RBFOX1: variants seen among roughly 807,000 people sequenced by gnomAD.
The protein encoded by RBFOX1 is RNA binding protein fox-1 homolog 1.
A neutral mutation model predicts 57.7 loss-of-function variants in RBFOX1; 8 were observed. That is an observed-to-expected ratio of 0.14 (90% CI 0.08 to 0.25). The LOEUF is 0.25. Ranked by LOEUF, RBFOX1 falls within the 10% of genes least tolerant of loss-of-function variation. RBFOX1 has a pLI of 1.00. For missense variants in RBFOX1, 611 were observed against 548.5 expected (o/e 1.11, Z -1.14); for synonymous variants, 326 against 222.4 (o/e 1.47, Z -4.15).
At chr16:6,330,064 G>A (rs2082827145) in intron 2 of RBFOX1, among the ~76,000 whole-genome samples, 1 of 152,074 alleles carries the variant, frequency 6.6e-6, no homozygotes, top group Non-Finnish European at 1.5e-5. Context: ...TCTTCCCCAT[G>A]CAAAGAAAGA....
At chr16:6,625,612 TTGTCATGATTTTCAGAA>T (rs2098294510) in intron 2 of RBFOX1, among the ~76,000 whole-genome samples, 1 of 152,166 alleles carries the variant, frequency 6.6e-6, no homozygotes, top group Admixed American at 6.5e-5. Flanking sequence ...GAGGCCAACC[TTGTCATGATTTTCAGAA>T]CTATGTAGTT....
intron 3 of RBFOX1, among the ~76,000 whole-genome samples, chr16:6,769,883 A>C (rs2078009808): frequency 6.6e-6 from 1 of 152,158 alleles, no homozygotes; most frequent in South Asian, 2.1e-4. Flanking sequence ...AGCGATTTGA[A>C]ATCAAAGTTC....
chr16:5,657,888 C>T (rs1286130699), intron 3 of RBFOX1, among the ~76,000 whole-genome samples: 4 of 151,730 alleles, frequency 2.6e-5, no homozygotes, highest in African/African-American at 7.3e-5. Context: ...TCCACAACAA[C>T]GCCAGGCTAA....
intron 3 of RBFOX1, among the ~76,000 whole-genome samples, chr16:6,688,948 C>A (rs141285808): frequency 1.9e-3 from 293 of 151,160 alleles, no homozygotes; most frequent in African/African-American, 6.8e-3. Flanking sequence ...TCGTCCATGT[C>A]CCTGCGAAGG....
intron 4 of RBFOX1, among the ~76,000 whole-genome samples, chr16:7,113,030 T>C (rs1463712768): frequency 6.6e-6 from 1 of 152,190 alleles, no homozygotes; most frequent in East Asian, 1.9e-4. Context: ...CCCATCGAAC[T>C]GGAGTCAGAG....
chr16:6,208,740 G>A (rs915563556), intron 1 of RBFOX1, among the ~76,000 whole-genome samples: 1 of 152,180 alleles, frequency 6.6e-6, no homozygotes, highest in Non-Finnish European at 1.5e-5. Flanking sequence ...ATGCATTTCT[G>A]GTTCTTCTTG....
chr16:6,587,433 C>T lies in RBFOX1; in HGVS notation c.-63-67170C>T, dbSNP rs150535098. On this transcript the variant is annotated intron_variant, in intron 2 of 15. Coordinates refer to ENST00000550418, the MANE Select transcript of RBFOX1 (RefSeq NM_018723.4). ...AGTAGCTGGGATTACAGGTGCACAC[C>T]ACCATGCCTGGCTAATTTTTGTATT... is the stretch of plus-strand genomic sequence containing the variant. Among the ~76,000 whole-genome samples the T allele has an allele frequency of 1.1e-4, 16 of 152,230 alleles. No individual in the cohort carries two copies. The East Asian group carries it at 3.1e-3, about 29-fold the overall frequency.
chr16:6,034,145 G>A (rs1391036061), intron 1 of RBFOX1, among the ~76,000 whole-genome samples: 2 of 151,708 alleles, frequency 1.3e-5, no homozygotes, highest in African/African-American at 2.4e-5. Flanking sequence ...GACCTGCCTG[G>A]CCAACTTAGT....
At chr16:6,271,895 A>G (rs2075259512) in intron 1 of RBFOX1, among the ~76,000 whole-genome samples, 1 of 152,294 alleles carries the variant, frequency 6.6e-6, no homozygotes, top group Middle Eastern at 3.4e-3. Context: ...CACCAAGTCC[A>G]TATATCCTCT....
chr16:7,456,236 C>T (rs765769651), intron 4 of RBFOX1, among the ~76,000 whole-genome samples: 6 of 152,184 alleles, frequency 3.9e-5, no homozygotes, highest in Non-Finnish European at 5.9e-5. Context: ...CACGTTAGGA[C>T]CCTCCTCTCA....
intron 3 of RBFOX1, among the ~76,000 whole-genome samples, chr16:5,690,069 T>A (rs972009707): frequency 1.3e-5 from 2 of 152,146 alleles, no homozygotes; most frequent in African/African-American, 4.8e-5. Flanking sequence ...TGGACAGTGG[T>A]CAGGGAGAGA....
At chr16:5,564,405 C>G (rs553143012) in intron 2 of RBFOX1, among the ~76,000 whole-genome samples, 2 of 152,260 alleles carry the variant, frequency 1.3e-5, no homozygotes, top group South Asian at 4.1e-4. Flanking sequence ...TTTTTGTCTC[C>G]TCCCACTGAA....
At chr16:7,269,131 A>T (rs963521036) in intron 4 of RBFOX1, among the ~76,000 whole-genome samples, 49 of 151,954 alleles carry the variant, frequency 3.2e-4, no homozygotes, top group Admixed American at 9.8e-4. Context: ...TCCTCTGAAA[A>T]AATATGAAAT....
intron 3 of RBFOX1, among the ~76,000 whole-genome samples, chr16:6,806,506 T>G (rs2086796457): frequency 6.6e-6 from 1 of 152,012 alleles, no homozygotes; most frequent in Admixed American, 6.6e-5. Flanking sequence ...GACCAGTAAA[T>G]AAAAGCATTT....
At chr16:7,106,336 T>C (rs920215550) in intron 4 of RBFOX1, among the ~76,000 whole-genome samples, 1 of 152,202 alleles carries the variant, frequency 6.6e-6, no homozygotes, top group Non-Finnish European at 1.5e-5. Context: ...CTTTGTTTAA[T>C]TAAATGGTGA....
intron 2 of RBFOX1, among the ~76,000 whole-genome samples, chr16:5,479,272 A>G (rs559246920): frequency 2.6e-4 from 39 of 152,156 alleles, no homozygotes; most frequent in African/African-American, 9.2e-4. Context: ...ATCAGATGAC[A>G]TGTTTGCCCT....
intron 3 of RBFOX1, among the ~76,000 whole-genome samples, chr16:5,690,816 C>T (rs2050653356): frequency 6.6e-6 from 1 of 152,136 alleles, no homozygotes; most frequent in Non-Finnish European, 1.5e-5. Flanking sequence ...CTGAAGTTTC[C>T]TGATGAGTAC....
At chr16:5,713,172 A>G (rs1390342645) in intron 3 of RBFOX1, among the ~76,000 whole-genome samples, 3 of 152,202 alleles carry the variant, frequency 2.0e-5, no homozygotes, top group African/African-American at 7.2e-5. Context: ...CTGTGTAATC[A>G]TACTGTCTTT....
In RBFOX1 at chr16:7,493,887, T is replaced by C. The variant is rs185700346; in HGVS notation, c.28-24260T>C. On this transcript the variant is annotated intron_variant, in intron 4 of 15. Coordinates refer to ENST00000550418, the MANE Select transcript of RBFOX1 (RefSeq NM_018723.4). ...ATCATTATCATTGTCATCATCATTA[T>C]CGTCATCTCAGTAGGTGCTTGGTTT... is the stretch of plus-strand genomic sequence containing the variant. 3.5e-4 allele frequency among the ~76,000 whole-genome samples: 53 copies of C among 152,360 alleles called. No individual in the cohort carries two copies. In the East Asian group the frequency reaches 0.01, roughly 29 times the overall value.
Sources: gnomAD v4.1 joint callset for allele counts (sites outside exome capture counted in the v4.1 genomes callset) on GRCh38, gnomAD v4.1.1 for gene constraint, MANE v1.5 for transcripts, NCBI Gene and HGNC (gene_info 2026-07-23, HGNC 2026-07-21) for gene names.